Variants in LRRTM3 observed in about 807,000 individuals in gnomAD.
LRRTM3 encodes leucine-rich repeat transmembrane neuronal protein 3.
In LRRTM3, 24 loss-of-function variants were observed where a neutral mutation model predicts 44.7. The observed-to-expected ratio is 0.54, with a 90% CI of 0.39 to 0.76. LRRTM3 has a LOEUF of 0.76. Ranked by LOEUF, LRRTM3 falls within the 30% of genes least tolerant of loss-of-function variation. The probability of loss-of-function intolerance (pLI) is 0.00; values close to 1 mark genes in which losing one functional copy is unlikely to be tolerated. For synonymous variants in LRRTM3, 277 were observed against 278.7 expected (o/e 0.99, Z 0.06); for missense variants, 587 against 702.2 (o/e 0.84, Z 1.85).
At chr10:66,952,666 T>C (rs7901230) in intron 2 of LRRTM3, among the ~76,000 whole-genome samples, 42,038 of 151,842 alleles carry the variant, frequency 0.28, 6,122 homozygotes, top group Middle Eastern at 0.34. Context: ...GTCAGGTAAA[T>C]TGAGGATCTC....
At chr10:67,048,058 C>T (rs1362756766) in intron 2 of LRRTM3, among the ~76,000 whole-genome samples, 1 of 152,032 alleles carries the variant, frequency 6.6e-6, no homozygotes, top group Non-Finnish European at 1.5e-5. Context: ...TCAGAAGTGA[C>T]CACCTCTCTA....
At chr10:67,088,416 C>T (rs955223850) in intron 2 of LRRTM3, among the ~76,000 whole-genome samples, 5 of 151,736 alleles carry the variant, frequency 3.3e-5, no homozygotes, top group Non-Finnish European at 5.9e-5. Flanking sequence ...AAACAAAATG[C>T]TTCATAAAAC....
At chr10:66,951,088 T>TACACACAC (rs3056558) in intron 2 of LRRTM3, among the ~76,000 whole-genome samples, 23 of 146,064 alleles carry the variant, frequency 1.6e-4, no homozygotes, top group African/African-American at 5.5e-4. Flanking sequence ...TAACATTAAA[T>TACACACAC]ACACACACAC....
At chr10:67,043,116 C>T (rs1032419778) in intron 2 of LRRTM3, among the ~76,000 whole-genome samples, 1 of 146,780 alleles carries the variant, frequency 6.8e-6, no homozygotes, top group Admixed American at 7.1e-5. Context: ...GATTTCATGC[C>T]TCAAGGCTCA....
rs140775965 is a variant in LRRTM3, at chr10:66,928,820, TAC to T, written c.1536+370_1536+371del. ...GTTAGCCTCCTGGTGGGACCAAATC[TAC>T]AGTTATAGAAGGTTTGCACCTCACT... On this transcript the variant is annotated intron_variant, in intron 2 of 2. Coordinates refer to ENST00000361320, the MANE Select transcript of LRRTM3 (RefSeq NM_178011.5). 6.3e-3 allele frequency among the ~76,000 whole-genome samples: 952 copies of T among 152,288 alleles called. 9 individuals are homozygous for T. The highest frequency in any genetic ancestry group is 0.022 in the African/African-American group (915 of 41,566).
chr10:67,047,200 A>AT lies in LRRTM3; in HGVS notation c.1537-50381dup, dbSNP rs1029131951. 1.1e-3 allele frequency among the ~76,000 whole-genome samples: 175 copies of AT among 152,234 alleles called. 1 individual carries two copies. Among genetic ancestry groups the AT allele is most frequent in the African/African-American group, 4.0e-3 (168 of 41,544 alleles). ...TCCTTCCTGCTGAAATTGTTTTAAC[A>AT]TTTTTTCTGGAGCCTTATGGGAGTG... On this transcript the variant is annotated intron_variant, in intron 2 of 2. Coordinates refer to ENST00000361320, the MANE Select transcript of LRRTM3 (RefSeq NM_178011.5).
chr10:67,000,708 T>C (rs1182100851), intron 2 of LRRTM3, among the ~76,000 whole-genome samples: 2 of 152,170 alleles, frequency 1.3e-5, no homozygotes, highest in Non-Finnish European at 2.9e-5. Context: ...GAAATCTTGA[T>C]GTAAAGTCAA....
At chr10:67,066,672 T>C (rs1856111706) in intron 2 of LRRTM3, among the ~76,000 whole-genome samples, 2 of 152,180 alleles carry the variant, frequency 1.3e-5, no homozygotes, top group Admixed American at 6.5e-5. Context: ...CTTTCTCATC[T>C]TGAATAATTG....
chr10:66,990,105 GT>G (rs1399554364), intron 2 of LRRTM3, among the ~76,000 whole-genome samples: 1 of 152,150 alleles, frequency 6.6e-6, no homozygotes, highest in Non-Finnish European at 1.5e-5. Context: ...TTCTTTAAGA[GT>G]TTATACTCAA....
At chr10:67,057,272 T>G (rs1032772168) in intron 2 of LRRTM3, among the ~76,000 whole-genome samples, 3 of 152,158 alleles carry the variant, frequency 2.0e-5, no homozygotes, top group Non-Finnish European at 4.4e-5. Flanking sequence ...ACATACTGTG[T>G]GTGTGTGCTG....
chr10:67,034,901 A>C (rs1028634092), intron 2 of LRRTM3, among the ~76,000 whole-genome samples: 3 of 152,166 alleles, frequency 2.0e-5, no homozygotes, highest in African/African-American at 4.8e-5. Context: ...TCATGTTGAC[A>C]TATCTCTTGG....
intron 2 of LRRTM3, among the ~76,000 whole-genome samples, chr10:67,020,923 A>T (rs758952211): frequency 6.6e-5 from 10 of 152,172 alleles, no homozygotes; most frequent in Non-Finnish European, 1.3e-4. Context: ...TGTGGCTAAC[A>T]CTTACACTAC....
intron 2 of LRRTM3, among the ~76,000 whole-genome samples, chr10:67,038,128 C>A (rs968189755): frequency 1.3e-5 from 2 of 152,028 alleles, no homozygotes; most frequent in Admixed American, 1.3e-4. Context: ...TATTGTAGAG[C>A]AAGCATTTCA....
At position 66,955,724 on chromosome 10, in the gene LRRTM3, G is replaced by T. The variant is rs1471058920; in HGVS notation, c.1536+27272G>T. On this transcript the variant is annotated intron_variant, in intron 2 of 2. Transcript: ENST00000361320. ...CACAAACTGGAGATCAGCCTCCATTGTTCTTCCTCTTCTGTAATTTGAAAA... is the reference window on the plus strand; with the variant it reads ...CACAAACTGGAGATCAGCCTCCATTTTTCTTCCTCTTCTGTAATTTGAAAA... Among the ~76,000 whole-genome samples, 4 of 152,084 alleles carry T rather than the reference G, an allele frequency of 2.6e-5. No homozygotes were observed. In the East Asian group the frequency reaches 7.7e-4, roughly 29 times the overall value.
At chr10:67,071,416 G>A (rs1856452939) in intron 2 of LRRTM3, among the ~76,000 whole-genome samples, 1 of 150,664 alleles carries the variant, frequency 6.6e-6, no homozygotes, top group Admixed American at 6.6e-5. Context: ...TAGGTTTGCA[G>A]TTATCTTCTC....
chr10:67,072,786 C>T (rs1248216191), intron 2 of LRRTM3, among the ~76,000 whole-genome samples: 1 of 152,086 alleles, frequency 6.6e-6, no homozygotes, highest in African/African-American at 2.4e-5. Flanking sequence ...TAAATATCTT[C>T]AAAAAGAGTT....
At chr10:67,079,984 A>G (rs1856966095) in intron 2 of LRRTM3, among the ~76,000 whole-genome samples, 1 of 152,004 alleles carries the variant, frequency 6.6e-6, no homozygotes. Flanking sequence ...CTGTAGTTAG[A>G]GGAGGGTGGT....
chr10:66,970,878 A>G (rs902928032), intron 2 of LRRTM3, among the ~76,000 whole-genome samples: 5 of 152,148 alleles, frequency 3.3e-5, no homozygotes, highest in African/African-American at 1.2e-4. Flanking sequence ...TCAAGATAAT[A>G]CAGATCTCAA....
chr10:67,010,464 C>A (rs1317062266), intron 2 of LRRTM3, among the ~76,000 whole-genome samples: 1 of 152,172 alleles, frequency 6.6e-6, no homozygotes, highest in Non-Finnish European at 1.5e-5. Flanking sequence ...TAATATCTCT[C>A]CAATTATTTT....
Sources: gnomAD v4.1 joint callset for allele counts (sites outside exome capture counted in the v4.1 genomes callset) on GRCh38, gnomAD v4.1.1 for gene constraint, MANE v1.5 for transcripts, NCBI Gene and HGNC (gene_info 2026-07-23, HGNC 2026-07-21) for gene names.